RBFOX1: variants seen among roughly 807,000 people sequenced by gnomAD.
The protein encoded by RBFOX1 is RNA binding fox-1 homolog 1.
In RBFOX1, 8 loss-of-function variants were observed where a neutral mutation model predicts 57.7. The observed-to-expected ratio is 0.14, with a 90% CI of 0.08 to 0.25. The LOEUF is 0.25. Ranked by LOEUF, RBFOX1 falls within the 10% of genes least tolerant of loss-of-function variation. The pLI is 1.00. For synonymous variants in RBFOX1, 326 were observed against 222.4 expected, an observed-to-expected ratio of 1.47 and a Z score of -4.15; for missense variants, 611 against 548.5, an observed-to-expected ratio of 1.11 and a Z score of -1.14.
intron 3 of RBFOX1, among the ~76,000 whole-genome samples, chr16:5,641,230 T>A (rs1308896905): frequency 1.3e-5 from 2 of 152,180 alleles, no homozygotes; most frequent in African/African-American, 4.8e-5. Context: ...TGCATGCACA[T>A]ACACACATGT....
intron 13 of RBFOX1, among the ~76,000 whole-genome samples, chr16:7,668,907 C>G (rs994836671): frequency 2.0e-5 from 3 of 152,016 alleles, no homozygotes; most frequent in Admixed American, 1.3e-4. Context: ...GGAAGTGAAG[C>G]TATAGATGTT....
intron 3 of RBFOX1, among the ~76,000 whole-genome samples, chr16:6,683,875 T>A (rs2059037010): frequency 6.6e-6 from 1 of 152,226 alleles, no homozygotes; most frequent in South Asian, 2.1e-4. Context: ...AATAACACTT[T>A]ATTTTACACG....
chr16:7,499,928 C>T (rs966934958), intron 4 of RBFOX1, among the ~76,000 whole-genome samples: 1 of 152,054 alleles, frequency 6.6e-6, no homozygotes, highest in Non-Finnish European at 1.5e-5. Flanking sequence ...TGCTGTGCTT[C>T]TTCCCTCTGA....
intron 4 of RBFOX1, among the ~76,000 whole-genome samples, chr16:7,497,992 C>T (rs886735663): frequency 6.6e-6 from 1 of 152,168 alleles, no homozygotes; most frequent in African/African-American, 2.4e-5. Context: ...AAGCTTTTAC[C>T]TCTCCTGTCC....
At chr16:5,557,955 T>A (rs2045741962) in intron 2 of RBFOX1, among the ~76,000 whole-genome samples, 3 of 151,544 alleles carry the variant, frequency 2.0e-5, no homozygotes, top group East Asian at 3.9e-4. Context: ...GAGAGAAGAG[T>A]AAGCATGTCT....
chr16:6,928,752 G>A (rs1169710745), intron 3 of RBFOX1, among the ~76,000 whole-genome samples: 1 of 152,050 alleles, frequency 6.6e-6, no homozygotes, highest in African/African-American at 2.4e-5. Flanking sequence ...ATATGTGTGT[G>A]TTTCATCATT....
intron 5 of RBFOX1, among the ~76,000 whole-genome samples, chr16:7,548,529 C>G (rs1368465118): frequency 2.0e-5 from 3 of 152,194 alleles, no homozygotes; most frequent in Admixed American, 6.5e-5. Context: ...GGCACCTACT[C>G]CATCCCTCAA....
chr16:7,264,020 ATCAAACCAACACCCT>A (rs2095033611), intron 4 of RBFOX1, among the ~76,000 whole-genome samples: 1 of 151,916 alleles, frequency 6.6e-6, no homozygotes. Context: ...CTTCAGCCCC[ATCAAACCAACACCCT>A]TCAAGCTAGA....
intron 2 of RBFOX1, among the ~76,000 whole-genome samples, chr16:6,328,148 G>A (rs916083030): frequency 6.6e-6 from 1 of 152,150 alleles, no homozygotes; most frequent in East Asian, 1.9e-4. Flanking sequence ...TCAGCAACCT[G>A]GACGGGATTG....
At chr16:6,116,219 T>TGA (rs1030902259) in intron 1 of RBFOX1, among the ~76,000 whole-genome samples, 55 of 143,512 alleles carry the variant, frequency 3.8e-4, no homozygotes, top group African/African-American at 1.4e-3. Flanking sequence ...AGTTGAACAA[T>TGA]GAGAACACAT....
At chr16:6,747,949 C>A (rs1197515202) in intron 3 of RBFOX1, among the ~76,000 whole-genome samples, 6 of 152,138 alleles carry the variant, frequency 3.9e-5, no homozygotes, top group African/African-American at 1.4e-4. Flanking sequence ...TGAGGATTGG[C>A]CTTTGTTTTC....
chr16:7,568,444 T>C (rs1040741119), intron 5 of RBFOX1, among the ~76,000 whole-genome samples: 4 of 152,104 alleles, frequency 2.6e-5, no homozygotes, highest in African/African-American at 9.7e-5. Flanking sequence ...TTGTGATTAG[T>C]GTATAATGAA....
At chr16:7,663,931 A>G (rs2068483073) in intron 12 of RBFOX1, among the ~76,000 whole-genome samples, 1 of 152,170 alleles carries the variant, frequency 6.6e-6, no homozygotes, top group Non-Finnish European at 1.5e-5. Flanking sequence ...AAGCATACCA[A>G]AAAGCTTCTG....
chr16:7,519,239 G>A (rs991817023), intron 5 of RBFOX1, among the ~76,000 whole-genome samples: 1 of 152,158 alleles, frequency 6.6e-6, no homozygotes, highest in Admixed American at 6.5e-5. Flanking sequence ...TCTGAACCTC[G>A]CTTCTTTACC....
chr16:6,986,335 A>T (rs1232341700), intron 3 of RBFOX1, among the ~76,000 whole-genome samples: 1 of 152,070 alleles, frequency 6.6e-6, no homozygotes, highest in Non-Finnish European at 1.5e-5. Context: ...AGTAGCTGGG[A>T]TTGCAGGCGT....
At chr16:7,379,220 ATG>A (rs911274759) in intron 4 of RBFOX1, among the ~76,000 whole-genome samples, 3 of 152,192 alleles carry the variant, frequency 2.0e-5, no homozygotes, top group African/African-American at 7.2e-5. Context: ...CTGAGACTGA[ATG>A]ACGTTTAGCT....
intron 2 of RBFOX1, among the ~76,000 whole-genome samples, chr16:5,512,852 C>T (rs552168337): frequency 6.6e-6 from 1 of 152,214 alleles, no homozygotes; most frequent in African/African-American, 2.4e-5. Flanking sequence ...GGATTGTATC[C>T]AGGACACAAC....
chr16:6,442,999 G>C (rs142031712), intron 2 of RBFOX1, among the ~76,000 whole-genome samples: 24 of 152,286 alleles, frequency 1.6e-4, no homozygotes, highest in African/African-American at 5.8e-4. Flanking sequence ...TGAGTACCAG[G>C]AATCTGTACT....
At chr16:7,599,359 G>C (rs1488084397) in intron 9 of RBFOX1, among the ~76,000 whole-genome samples, 2 of 152,220 alleles carry the variant, frequency 1.3e-5, no homozygotes, top group Admixed American at 6.5e-5. Flanking sequence ...ACTGGAGCGA[G>C]AAAAGCCAAA....
Sources: gnomAD v4.1 joint callset for allele counts (sites outside exome capture counted in the v4.1 genomes callset) on GRCh38, gnomAD v4.1.1 for gene constraint, MANE v1.5 for transcripts, NCBI Gene and HGNC (gene_info 2026-07-23, HGNC 2026-07-21) for gene names.